Variants in SLC2A9 observed in about 807,000 individuals in gnomAD.
SLC2A9 encodes the protein solute carrier family 2 member 9.
SLC2A9 carries 39 observed loss-of-function variants against 50.6 expected under a neutral mutation model. The ratio of observed to expected loss-of-function variants is 0.77; its 90% CI spans 0.60 to 1.01. The LOEUF (loss-of-function observed/expected upper bound fraction) is 1.01, where lower values mean the gene tolerates loss of function less well. Among genes scored for constraint, SLC2A9 ranks in the 50% least tolerant of loss-of-function variants. SLC2A9 has a pLI of 0.00. For missense variants in SLC2A9, 686 were observed against 677.6 expected (o/e 1.01, Z -0.14); for synonymous variants, 324 against 276.9 (o/e 1.17, Z -1.69).
At chr4:9,831,970 C>G (rs1286172929) in intron 11 of SLC2A9, among the ~76,000 whole-genome samples, 1 of 152,198 alleles carries the variant, frequency 6.6e-6, no homozygotes, top group Non-Finnish European at 1.5e-5. Flanking sequence ...CATTAACAAG[C>G]CAAGGAGAGG....
chr4:9,834,786 G>A (rs1726746419), intron 11 of SLC2A9, 95 bp downstream of exon 11: 3 of 1,567,712 alleles, frequency 1.9e-6, no homozygotes, highest in Middle Eastern at 1.8e-4. Context: ...TTCCAGTTGA[G>A]AGGAGAGAGA....
chr4:9,785,778 T>G (rs1055789841), intron 3 of SLC2A9, among the ~76,000 whole-genome samples: 1 of 152,224 alleles, frequency 6.6e-6, no homozygotes, highest in East Asian at 1.9e-4. Flanking sequence ...AGGGGAGAGA[T>G]AAGCCAATAA....
rs189682177 is a variant in SLC2A9 at position 9,997,516 on chromosome 4, A to G, written c.250-575T>C. On this transcript the variant is annotated intron_variant, in intron 2 of 11. Coordinates refer to ENST00000264784, the MANE Select transcript of SLC2A9 (RefSeq NM_020041.3). ...GGAGTTCGAGATCAGTCTGGCCAAGATGGTGAAACCCTGTCTCTACTAAAA... is the reference window on the plus strand; with the variant it reads ...GGAGTTCGAGATCAGTCTGGCCAAGGTGGTGAAACCCTGTCTCTACTAAAA... Among the ~76,000 whole-genome samples the G allele has an allele frequency of 2.2e-4, 33 of 152,292 alleles. No homozygotes were observed. The East Asian group carries it at 5.8e-3, about 27-fold the overall frequency.
chr4:9,980,837 T>A, intron 4 of SLC2A9, 100 bp from the exon 5 acceptor site: 1 of 1,480,756 alleles, frequency 6.8e-7, no homozygotes, highest in African/African-American at 1.4e-5. Context: ...CCCTGGACAT[T>A]AAATAGCACT....
intron 5 of SLC2A9, among the ~76,000 whole-genome samples, chr4:9,974,101 C>T (rs996691642): frequency 1.3e-5 from 2 of 152,200 alleles, no homozygotes; most frequent in African/African-American, 2.4e-5. Flanking sequence ...AATGATAAAA[C>T]CTCTCAAGAA....
chr4:10,019,044 G>A lies in SLC2A9; in HGVS notation c.180C>T (p.Ser60=), dbSNP rs1386419478. The A allele has an allele frequency of 3.2e-6, 5 of 1,551,148 alleles. No individual in the cohort carries two copies. The highest frequency in any genetic ancestry group is 1.2e-5 in the South Asian group (1 of 84,050). Residue 60 remains serine (S), a synonymous_variant, in exon 2 of 12, where the codon TCC becomes TCT. Transcript: ENST00000264784. ...AGGAGGAGCCGAAGGCGCCCGCGAG[G>A]GAGGCCACGAGGAGCGAGCAGGACC... is the stretch of plus-strand genomic sequence containing the variant. ...KDWSCSLLVA[S]LAGAFGSSFL... is the part of the protein sequence containing the mutation.
intron 1 of SLC2A9, chr4:10,035,204 A>AG (rs1212394932): frequency 2.0e-5 from 3 of 152,378 alleles, no homozygotes; most frequent in Middle Eastern, 3.4e-3. Flanking sequence ...CTAGGCACCC[A>AG]GGCTGGGCTC....
chr4:9,974,618 G>A (rs1754475038), intron 5 of SLC2A9, among the ~76,000 whole-genome samples: 1 of 151,422 alleles, frequency 6.6e-6, no homozygotes, highest in Non-Finnish European at 1.5e-5. Flanking sequence ...TGACACAAAT[G>A]GAAAAACATT....
At chr4:9,983,816 T>A (rs906917017) in intron 4 of SLC2A9, among the ~76,000 whole-genome samples, 9 of 152,240 alleles carry the variant, frequency 5.9e-5, no homozygotes, top group African/African-American at 1.7e-4. Context: ...TCGGGGTTTT[T>A]AAATACATCA....
chr4:9,952,639 C>T (rs1339232409), intron 5 of SLC2A9, among the ~76,000 whole-genome samples: 2 of 152,004 alleles, frequency 1.3e-5, no homozygotes, highest in African/African-American at 4.8e-5. Context: ...GCTCCTCCCA[C>T]CTTAGCCTCC....
intron 10 of SLC2A9, among the ~76,000 whole-genome samples, chr4:9,858,956 G>A (rs998777779): frequency 6.6e-6 from 1 of 152,174 alleles, no homozygotes; most frequent in Non-Finnish European, 1.5e-5. Context: ...TGGGCTGGAT[G>A]CTTCCTGCCC....
upstream of SLC2A9, among the ~76,000 whole-genome samples, chr4:10,024,017 A>G (rs1763672695): frequency 6.6e-6 from 1 of 152,152 alleles, no homozygotes; most frequent in Non-Finnish European, 1.5e-5. Context: ...TTCAGTCATT[A>G]CTTGCCTGTC....
At chr4:10,039,591 C>A (rs1196527404) in intron 1 of SLC2A9, among the ~76,000 whole-genome samples, 1 of 152,154 alleles carries the variant, frequency 6.6e-6, no homozygotes, top group Admixed American at 6.5e-5. Context: ...TCTCCTGGAT[C>A]CCCACATTCA....
At chr4:9,992,791 G>C (rs1032048340) in intron 3 of SLC2A9, among the ~76,000 whole-genome samples, 2 of 152,204 alleles carry the variant, frequency 1.3e-5, no homozygotes, top group Middle Eastern at 3.2e-3. Context: ...TTGGGCTTCA[G>C]CCAGTTTGCT....
chr4:9,920,488 C>T lies in SLC2A9; in HGVS notation c.899G>A (p.Arg300His), dbSNP rs145688560. The T allele has an allele frequency of 4.2e-3, 6,793 of 1,614,158 alleles. 28 individuals are homozygous for T. The highest frequency in any genetic ancestry group is 4.8e-3 in the Non-Finnish European group (5,662 of 1,180,028). Residue 300 changes from arginine (R) to histidine (H), a missense_variant, in exon 7 of 12, where the codon CGC becomes CAC. Transcript: ENST00000264784. ...CAGCAGCTCCAGCACGGACACCAGG[C>T]GGATGCTCCTCTGCACGCGGCTCTC... ...LAESRVQRSI[R>H]LVSVLELLRA...
At chr4:9,879,217 C>A (rs534177696) in intron 10 of SLC2A9, 1 of 985,064 alleles carries the variant, frequency 1.0e-6, no homozygotes, top group Non-Finnish European at 1.2e-6. Context: ...CCCAGAGGGG[C>A]GGGCTGTTTC....
chr4:9,919,703 G>GT (rs969472954), intron 7 of SLC2A9, among the ~76,000 whole-genome samples: 1 of 152,160 alleles, frequency 6.6e-6, no homozygotes, highest in Non-Finnish European at 1.5e-5. Flanking sequence ...CTGCCAAGTG[G>GT]TTGGCCAGCC....
At chr4:9,801,660 A>G (rs947469785) in intron 3 of SLC2A9, among the ~76,000 whole-genome samples, 1 of 152,170 alleles carries the variant, frequency 6.6e-6, no homozygotes, top group African/African-American at 2.4e-5. Context: ...TTGAGGTAGA[A>G]AAGTTGAGCC....
intron 10 of SLC2A9, among the ~76,000 whole-genome samples, chr4:9,885,134 G>A (rs1424977490): frequency 6.6e-6 from 1 of 152,074 alleles, no homozygotes; most frequent in East Asian, 1.9e-4. Context: ...ATTTACCTAT[G>A]TAACAAACCT....
Sources: gnomAD v4.1 joint callset for allele counts (sites outside exome capture counted in the v4.1 genomes callset) on GRCh38, gnomAD v4.1.1 for gene constraint, MANE v1.5 for transcripts, NCBI Gene and HGNC (gene_info 2026-07-23, HGNC 2026-07-21) for gene names.